Variants in CLCA4 observed in about 807,000 individuals in gnomAD.
CLCA4 encodes the protein chloride channel accessory 4.
In CLCA4, 69 loss-of-function variants were observed where a neutral mutation model predicts 78.9. The observed-to-expected ratio is 0.87, with a 90% CI of 0.72 to 1.07. The LOEUF (loss-of-function observed/expected upper bound fraction) is 1.07. CLCA4 is among the 50% of genes least tolerant of loss of function. The probability of loss-of-function intolerance (pLI) is 0.00; values close to 1 mark genes in which losing one functional copy is unlikely to be tolerated. For missense variants in CLCA4, 1,133 were observed against 1,095.8 expected (o/e 1.03, Z -0.48); for synonymous variants, 362 against 375.8 (o/e 0.96, Z 0.42).
chr1:86,580,430 T>C lies in CLCA4; in HGVS notation c.*85T>C. ...AATGTAAGTAAAGGATATTTCTGAA[T>C]CTTAAAATTCATCCCATGTGTGATC... On this transcript the variant is annotated 3_prime_UTR_variant, in exon 14 of 14. Coordinates refer to ENST00000370563, the MANE Select transcript of CLCA4 (RefSeq NM_012128.4). 1 of 1,072,306 alleles carries C rather than the reference T, an allele frequency of 9.3e-7. No homozygotes were observed. The highest frequency in any genetic ancestry group is 1.3e-6 in the Non-Finnish European group (1 of 782,148). 66.4% of individuals were successfully genotyped at this position (1,072,306 alleles called of 1,614,324 possible). A position where few individuals can be genotyped will look rare whatever the true frequency, so the allele number is the denominator to read the frequency against.
intron 9 of CLCA4, among the ~76,000 whole-genome samples, chr1:86,573,934 C>A (rs547383183): frequency 7.2e-5 from 11 of 152,176 alleles, no homozygotes; most frequent in Non-Finnish European, 1.3e-4. Flanking sequence ...TTTATGCATT[C>A]TCACCACAAA....
At position 86,565,521 on chromosome 1, in the gene CLCA4, G is replaced by T. The variant is rs561746865; in HGVS notation, c.735+70G>T. 44 of 1,246,324 alleles carry T rather than the reference G, an allele frequency of 3.5e-5. No individual in the cohort carries two copies. In the Middle Eastern group the frequency reaches 8.4e-4, roughly 24 times the overall value. 77.2% of individuals were successfully genotyped at this position (1,246,324 alleles called of 1,614,324 possible). A position where few individuals can be genotyped will look rare whatever the true frequency, so the allele number is the denominator to read the frequency against. On this transcript the variant is annotated intron_variant, in intron 5 of 13. Transcript: ENST00000370563. ...ATATTGTCATGTTTTTAAAGTATCT[G>T]TTCAGGTGACCTGAGGATTATATAT...
At position 86,578,036 on chromosome 1, in the gene CLCA4, A is replaced by C. The variant is rs942750455; in HGVS notation, c.2086A>C (p.Asn696His). The C allele has an allele frequency of 6.2e-7, 1 of 1,612,684 alleles. No homozygotes were observed. The highest frequency in any genetic ancestry group is 1.7e-5 in the Admixed American group (1 of 59,856). Residue 696 changes from asparagine (N) to histidine (H), a missense_variant, in exon 12 of 14, where the codon AAT (asparagine) becomes CAT (histidine). Transcript: ENST00000370563. ...CAGGCTAAAATTACGGCCTCCACTG[A>C]ATAGAGCCGCGTACATACCAGGCTG... ...TARLKLRPPL[N>H]RAAYIPGWVV...
intron 12 of CLCA4, 135 bp downstream of exon 12, chr1:86,578,207 T>C: frequency 1.2e-6 from 1 of 817,518 alleles, no homozygotes; most frequent in East Asian, 2.8e-5. Context: ...TTCTCAGTCA[T>C]ACTAGGATTT....
intron 6 of CLCA4, 92 bp downstream of exon 6, chr1:86,566,112 G>A (rs1650183851): frequency 1.9e-6 from 2 of 1,063,322 alleles, no homozygotes; most frequent in Non-Finnish European, 2.7e-6. Flanking sequence ...GTTCTAAATT[G>A]CATGGTGGCA....
intron 1 of CLCA4, chr1:86,552,748 A>T (rs1157667850): frequency 7.0e-7 from 1 of 1,436,224 alleles, no homozygotes; most frequent in Non-Finnish European, 9.8e-7. Flanking sequence ...CGGCACCCCC[A>T]TCATGCCTGT....
chr1:86,553,507 T>C (rs1387896993), intron 1 of CLCA4, among the ~76,000 whole-genome samples: 1 of 152,166 alleles, frequency 6.6e-6, no homozygotes, highest in African/African-American at 2.4e-5. Context: ...GGTCCTCTGC[T>C]CAGCCGACGC....
intron 1 of CLCA4, among the ~76,000 whole-genome samples, chr1:86,558,913 T>C (rs1649931287): frequency 6.6e-6 from 1 of 152,186 alleles, no homozygotes. Context: ...AGAGGTCCAC[T>C]GTTAGCCTGA....
At position 86,575,384 on chromosome 1, in the gene CLCA4, C is replaced by A. The variant is rs1650479510; in HGVS notation, c.1736C>A (p.Thr579Asn). 5 of 1,613,166 alleles carry A rather than the reference C, an allele frequency of 3.1e-6. No homozygotes were observed. Among genetic ancestry groups the A allele is most frequent in the Non-Finnish European group, 4.2e-6 (5 of 1,179,468 alleles). Residue 579 changes from threonine to asparagine, a missense_variant, in exon 11 of 14, where the codon ACT becomes AAT. Transcript: ENST00000370563. ...GCCAAAGCGAACCCAGAAACATTAACTATTACAGTAACTTCTCGAGCAGCA... is the reference window on the plus strand; with the variant it reads ...GCCAAAGCGAACCCAGAAACATTAAATATTACAGTAACTTCTCGAGCAGCA... The part of the protein sequence containing the change: ...LQAKANPETL[T>N]ITVTSRAANS...
chr1:86,557,973 G>T (rs1257537752), intron 1 of CLCA4, among the ~76,000 whole-genome samples: 4 of 150,756 alleles, frequency 2.7e-5, no homozygotes, highest in African/African-American at 9.8e-5. Context: ...TATCTTTGTT[G>T]GTTTGAAGTC....
intron 3 of CLCA4, among the ~76,000 whole-genome samples, chr1:86,563,448 G>A (rs923677336): frequency 4.0e-5 from 6 of 151,582 alleles, no homozygotes; most frequent in Non-Finnish European, 7.4e-5. Context: ...GATTTAACAT[G>A]TCGTGGAATA....
intron 12 of CLCA4, 47 bp downstream of exon 12, chr1:86,578,119 T>G (rs1395410807): frequency 5.3e-6 from 8 of 1,516,074 alleles, no homozygotes; most frequent in Non-Finnish European, 7.2e-6. Context: ...TTGAACAATA[T>G]TAGTGATTTG....
intron 7 of CLCA4, 121 bp from the exon 8 acceptor site, chr1:86,570,955 AG>A: frequency 1.6e-6 from 1 of 620,186 alleles, no homozygotes; most frequent in Non-Finnish European, 2.7e-6. Context: ...TTTAAAATAG[AG>A]GTTATCTCTT....
intron 1 of CLCA4, among the ~76,000 whole-genome samples, chr1:86,558,194 G>T (rs1209447689): frequency 2.0e-5 from 3 of 152,078 alleles, no homozygotes; most frequent in Non-Finnish European, 4.4e-5. Context: ...CATTTACATT[G>T]AAAGTTAATA....
intron 9 of CLCA4, among the ~76,000 whole-genome samples, chr1:86,573,958 G>A (rs1417613968): frequency 6.6e-6 from 1 of 152,012 alleles, no homozygotes; most frequent in African/African-American, 2.4e-5. Context: ...AAGTATGTGA[G>A]GTAATGCCTA....
intron 1 of CLCA4, among the ~76,000 whole-genome samples, chr1:86,559,596 T>C (rs1415889150): frequency 6.6e-6 from 1 of 152,222 alleles, no homozygotes; most frequent in Non-Finnish European, 1.5e-5. Flanking sequence ...AACCAAGATC[T>C]GTCATCCAGA....
intron 1 of CLCA4, among the ~76,000 whole-genome samples, chr1:86,559,455 T>C (rs1353000192): frequency 6.6e-6 from 1 of 152,202 alleles, no homozygotes; most frequent in Non-Finnish European, 1.5e-5. Flanking sequence ...AGTAATGATA[T>C]CAAACAGTTT....
At chr1:86,558,390 C>A (rs1456713193) in intron 1 of CLCA4, among the ~76,000 whole-genome samples, 1 of 152,060 alleles carries the variant, frequency 6.6e-6, no homozygotes, top group Non-Finnish European at 1.5e-5. Flanking sequence ...TCTTGTCAGG[C>A]AGGTCTGGTG....
Position 86,579,656 on chromosome 1 carries a change from G to T in CLCA4, c.2356+69G>T, listed in dbSNP as rs144019203. ...CTAATTGCAAAAACAGGGGTGTAAG[G>T]GTGGGTGGGGGGAGAATGGTTTTAT... is the stretch of plus-strand genomic sequence containing the variant. On this transcript the variant is annotated intron_variant, in intron 13 of 13. Transcript: ENST00000370563. 53 of 1,051,218 alleles carry T rather than the reference G, an allele frequency of 5.0e-5. No homozygotes were observed. The African/African-American group carries it at 6.3e-4, about 12-fold the overall frequency. The allele number at this position is 1,051,218 out of a possible 1,614,324, so 65.1% of individuals were successfully genotyped here.
Sources: gnomAD v4.1 joint callset for allele counts (sites outside exome capture counted in the v4.1 genomes callset) on GRCh38, gnomAD v4.1.1 for gene constraint, MANE v1.5 for transcripts, NCBI Gene and HGNC (gene_info 2026-07-23, HGNC 2026-07-21) for gene names.